The following PHC3 variants were observed in gnomAD, a reference collection of about 807,000 sequenced individuals.
PHC3 encodes the protein polyhomeotic-like protein 3.
In PHC3, 13 loss-of-function variants were observed where a neutral mutation model predicts 107.4. The observed-to-expected ratio is 0.12, with a 90% confidence interval of 0.08 to 0.19. PHC3 has a LOEUF of 0.19. PHC3 is among the 10% of genes least tolerant of loss of function. The pLI, the probability that PHC3 is intolerant of heterozygous loss-of-function variation, is 1.00. For missense variants in PHC3, 992 were observed against 1,210.9 expected (o/e 0.82, Z 2.68); for synonymous variants, 456 against 427.4 (o/e 1.07, Z -0.83).
At chr3:170,171,068 C>A in intron 4 of PHC3, 1 of 417,380 alleles carries the variant, frequency 2.4e-6, no homozygotes, top group Non-Finnish European at 4.2e-6. Flanking sequence ...TGGCCAATAT[C>A]CCTGCATTGT....
At chr3:170,121,097 T>C (rs1365644737) in intron 9 of PHC3, among the ~76,000 whole-genome samples, 4 of 152,234 alleles carry the variant, frequency 2.6e-5, no homozygotes, top group Non-Finnish European at 5.9e-5. Flanking sequence ...GAATTTTATA[T>C]ATATTTTCAT....
rs1159204864 is a variant in PHC3 at position 170,093,356 on chromosome 3, A to T, written c.*3874T>A. On this transcript the variant is annotated 3_prime_UTR_variant, in exon 15 of 15. Transcript: ENST00000495893. ...TGAGGCCCTTTCATGCCATTAGCTA[A>T]TGCTCAATGCCAGTAGGCTGCATGT... is the stretch of plus-strand genomic sequence containing the variant. 6.6e-6 allele frequency: 1 copy of T among 152,198 alleles called. No individual in the cohort carries two copies. The highest frequency in any genetic ancestry group is 1.9e-4 in the East Asian group (1 of 5,190). 9.4% of individuals were successfully genotyped at this position (152,198 alleles called of 1,614,324 possible).
chr3:170,170,450 T>A (rs1422833348), intron 4 of PHC3: 2 of 150,992 alleles, frequency 1.3e-5, no homozygotes, highest in African/African-American at 4.9e-5. Context: ...ATTATCTGGC[T>A]CATAATGTCC....
chr3:170,110,975 G>C (rs555352810), intron 11 of PHC3, among the ~76,000 whole-genome samples: 1 of 152,170 alleles, frequency 6.6e-6, no homozygotes, highest in Non-Finnish European at 1.5e-5. Flanking sequence ...AATGCTCTCA[G>C]ATAAAATAGT....
intron 2 of PHC3, 103 bp downstream of exon 2, chr3:170,178,670 T>A: frequency 7.8e-7 from 1 of 1,285,406 alleles, no homozygotes. Flanking sequence ...TTAGTAATTC[T>A]AACTGTACAT....
At chr3:170,113,580 T>G in intron 10 of PHC3, 61 bp from the exon 11 acceptor site, 1 of 1,493,572 alleles carries the variant, frequency 6.7e-7, no homozygotes, top group South Asian at 1.3e-5. Flanking sequence ...AGAAATACTT[T>G]GGTTTAAAAA....
chr3:170,119,152 C>T (rs1014782379), intron 9 of PHC3, among the ~76,000 whole-genome samples: 38 of 151,352 alleles, frequency 2.5e-4, no homozygotes, highest in African/African-American at 8.5e-4. Flanking sequence ...AACTAAGGAA[C>T]TTCACAAAAA....
chr3:170,125,892 T>A, intron 8 of PHC3: 1 of 640,468 alleles, frequency 1.6e-6, no homozygotes, highest in Non-Finnish European at 1.9e-6. Flanking sequence ...ATTAGGAAAC[T>A]GCACATCACA....
chr3:170,135,966 G>T (rs527704042), intron 7 of PHC3, among the ~76,000 whole-genome samples: 27 of 151,276 alleles, frequency 1.8e-4, no homozygotes, highest in Admixed American at 5.2e-4. Flanking sequence ...GAAATCAAAG[G>T]CAGAAAAAGA....
chr3:170,128,539 G>GC, intron 8 of PHC3, 145 bp downstream of exon 8: 1 of 1,176,474 alleles, frequency 8.5e-7, no homozygotes, highest in Non-Finnish European at 1.2e-6. Context: ...TGCCCATACA[G>GC]CATGTTTGTC....
intron 14 of PHC3, among the ~76,000 whole-genome samples, chr3:170,100,021 T>G (rs1263450087): frequency 1.3e-5 from 2 of 152,096 alleles, no homozygotes; most frequent in Admixed American, 1.3e-4. Context: ...GCAGAGAAAA[T>G]TAGAAGGCGG....
At chr3:170,124,127 C>T (rs1326894608) in intron 8 of PHC3, among the ~76,000 whole-genome samples, 2 of 152,052 alleles carry the variant, frequency 1.3e-5, no homozygotes, top group African/African-American at 2.4e-5. Context: ...GGATTACAGG[C>T]GTGAGCCACC....
chr3:170,146,685 A>G (rs1481389717), intron 5 of PHC3, among the ~76,000 whole-genome samples: 1 of 150,856 alleles, frequency 6.6e-6, no homozygotes, highest in Non-Finnish European at 1.5e-5. Context: ...GGCATACGCC[A>G]CAACGCCCGG....
chr3:170,113,590 A>C (rs1718260580), intron 10 of PHC3, 71 bp from the exon 11 acceptor site: 1 of 1,402,780 alleles, frequency 7.1e-7, no homozygotes, highest in African/African-American at 1.4e-5. Context: ...TGGTTTAAAA[A>C]ACTCTTAAAA....
intron 11 of PHC3, among the ~76,000 whole-genome samples, chr3:170,111,147 C>T (rs1347100247): frequency 2.6e-5 from 4 of 151,834 alleles, no homozygotes; most frequent in Non-Finnish European, 5.9e-5. Context: ...TTATATAACA[C>T]CAAAGAATTA....
chr3:170,135,708 C>T (rs115893824), intron 7 of PHC3, among the ~76,000 whole-genome samples: 3 of 151,086 alleles, frequency 2.0e-5, no homozygotes, highest in Non-Finnish European at 4.4e-5. Flanking sequence ...ACAACAGGGG[C>T]AAATGGTGCT....
In PHC3 at chr3:170,098,292, A is replaced by C. The variant is rs532056991; in HGVS notation, c.2834-908T>G. The stretch of plus-strand genomic sequence containing the variant: ...AGATGAGAGAATATAAAAATATGGA[A>C]GCTTTCTTGAGAGACAGTAAAATTT... On this transcript the variant is annotated intron_variant, in intron 14 of 14. Coordinates refer to ENST00000495893, the MANE Select transcript of PHC3 (RefSeq NM_024947.4). 3.3e-5 allele frequency among the ~76,000 whole-genome samples: 5 copies of C among 152,294 alleles called. 1 individual carries two copies. In the South Asian group the frequency reaches 1.0e-3, roughly 32 times the overall value.
chr3:170,141,994 A>G (rs1252520649), intron 6 of PHC3, among the ~76,000 whole-genome samples: 5 of 152,240 alleles, frequency 3.3e-5, no homozygotes, highest in East Asian at 3.8e-4. Context: ...CAGACAATGC[A>G]TAACAAAAAT....
intron 1 of PHC3, among the ~76,000 whole-genome samples, chr3:170,179,775 T>G (rs560413697): frequency 1.1e-4 from 16 of 152,372 alleles, no homozygotes; most frequent in African/African-American, 3.8e-4. Flanking sequence ...TGTATTTGAA[T>G]AAATTCAAAC....
Sources: gnomAD v4.1 joint callset for allele counts (sites outside exome capture counted in the v4.1 genomes callset) on GRCh38, gnomAD v4.1.1 for gene constraint, MANE v1.5 for transcripts, NCBI Gene and HGNC (gene_info 2026-07-23, HGNC 2026-07-21) for gene names.